SLC25A46: variants seen among roughly 807,000 people sequenced by gnomAD.
SLC25A46 encodes the protein mitochondrial outer membrane protein SLC25A46.
SLC25A46 carries 39 observed loss-of-function variants against 44.6 expected under a neutral mutation model. The observed-to-expected ratio is 0.87, with a 90% CI of 0.68 to 1.14. SLC25A46 has a LOEUF of 1.14. Ranked by LOEUF, SLC25A46 falls within the 50% of genes most tolerant of loss-of-function variation. The probability of loss-of-function intolerance (pLI) is 0.00; values close to 1 mark genes in which losing one functional copy is unlikely to be tolerated. For missense variants in SLC25A46, 547 were observed against 522.7 expected, an observed-to-expected ratio of 1.05 and a Z score of -0.45; for synonymous variants, 202 against 185.8, an observed-to-expected ratio of 1.09 and a Z score of -0.71.
At chr5:110,752,718 T>C (rs1431927889) in intron 5 of SLC25A46, among the ~76,000 whole-genome samples, 1 of 152,238 alleles carries the variant, frequency 6.6e-6, no homozygotes, top group African/African-American at 2.4e-5. Context: ...AGATTTTAAG[T>C]TGGACTTTAG....
rs542065024 is a variant in SLC25A46 at position 110,748,870 on chromosome 5, G to C, written c.563+607G>C. On this transcript the variant is annotated intron_variant, in intron 5 of 7. Coordinates refer to ENST00000355943, the MANE Select transcript of SLC25A46 (RefSeq NM_138773.4). ...AAGCTGAGGTGCTACATTAAAATACGATTGTGCCTTTTTAAGTTTATTCTC... is the reference window on the plus strand; with the variant it reads ...AAGCTGAGGTGCTACATTAAAATACCATTGTGCCTTTTTAAGTTTATTCTC... Among the ~76,000 whole-genome samples the C allele has an allele frequency of 1.8e-3, 268 of 152,238 alleles. 1 individual carries two copies. Among genetic ancestry groups the C allele is most frequent in the African/African-American group, 5.9e-3 (247 of 41,552 alleles).
At chr5:110,747,057 CT>C (rs1370542731) in intron 4 of SLC25A46, among the ~76,000 whole-genome samples, 1 of 152,074 alleles carries the variant, frequency 6.6e-6, no homozygotes, top group African/African-American at 2.4e-5. Flanking sequence ...TCTTGAAGAC[CT>C]TTGGATTGTT....
upstream of SLC25A46, chr5:110,738,915 C>A: frequency 7.3e-7 from 1 of 1,367,150 alleles, no homozygotes; most frequent in Non-Finnish European, 9.6e-7. Flanking sequence ...CGCCGCGTCT[C>A]CCTAGCAACC....
chr5:110,761,580 A>G lies in SLC25A46; in HGVS notation c.1055A>G (p.Asn352Ser), dbSNP rs1163994960. 18 of 1,613,682 alleles carry G rather than the reference A, an allele frequency of 1.1e-5. No individual in the cohort carries two copies. Among genetic ancestry groups the G allele is most frequent in the East Asian group, 2.2e-5 (1 of 44,864 alleles). Residue 352 changes from asparagine to serine, a missense_variant, in exon 8 of 8, where the codon AAT becomes AGT. By Grantham distance (46) the Asn-to-Ser change is conservative. Transcript: ENST00000355943. The surrounding 1 kb of genome is among the most constrained non-coding windows in gnomAD (Gnocchi z 5.3). ...HIQGTRTIIDNTDLGYEVLPI... is the reference protein window; with the variant it reads ...HIQGTRTIIDSTDLGYEVLPI... ...CAAGGAACACGCACAATAATTGACA[A>G]TACAGACCTTGGCTATGAAGTGCTT...
chr5:110,739,687 A>T (rs1017638782), intron 1 of SLC25A46, among the ~76,000 whole-genome samples: 2 of 152,218 alleles, frequency 1.3e-5, no homozygotes, highest in Non-Finnish European at 2.9e-5. Context: ...GTCTGAGTTA[A>T]AAAGGAGATT....
At position 110,763,525 on chromosome 5, in the gene SLC25A46, A is replaced by G. The variant is rs911241854; in HGVS notation, c.*1743A>G. On this transcript the variant is annotated 3_prime_UTR_variant, in exon 8 of 8. Coordinates refer to ENST00000355943, the MANE Select transcript of SLC25A46 (RefSeq NM_138773.4). Reference sequence around the variant, plus strand: ...GATTAAGGTTTACTTTGTCCAACCAATAGCATTTAAATTGTTTTCAATTAG... The same window carrying G: ...GATTAAGGTTTACTTTGTCCAACCAGTAGCATTTAAATTGTTTTCAATTAG... 3.3e-5 allele frequency: 5 copies of G among 151,876 alleles called. No homozygotes were observed. The highest frequency in any genetic ancestry group is 1.9e-4 in the East Asian group (1 of 5,180). 9.4% of individuals were successfully genotyped at this position (151,876 alleles called of 1,614,324 possible).
At chr5:110,760,988 C>G (rs1351135595) in intron 7 of SLC25A46, among the ~76,000 whole-genome samples, 1 of 152,016 alleles carries the variant, frequency 6.6e-6, no homozygotes, top group African/African-American at 2.4e-5. Context: ...TCTCCCTACC[C>G]CAATAAGATT....
In SLC25A46 at chr5:110,761,588, C is replaced by G. The variant is rs139534651; in HGVS notation, c.1063C>G (p.Leu355Val). 1.6e-5 allele frequency: 26 copies of G among 1,613,608 alleles called. No homozygotes were observed. The African/African-American group carries it at 2.9e-4, about 18-fold the overall frequency. ...ACGCACAATAATTGACAATACAGAC[C>G]TTGGCTATGAAGTGCTTCCAATTAA... is the stretch of plus-strand genomic sequence containing the variant. ...GTRTIIDNTD[L>V]GYEVLPINTQ... Residue 355 changes from leucine to valine, a missense_variant, in exon 8 of 8, where the codon CTT becomes GTT. Transcript: ENST00000355943. The surrounding 1 kb of genome is among the most constrained non-coding windows in gnomAD (Gnocchi z 5.3).
intron 5 of SLC25A46, chr5:110,754,000 T>C (rs1800038604): frequency 6.6e-6 from 1 of 151,286 alleles, no homozygotes; most frequent in Non-Finnish European, 1.5e-5. Flanking sequence ...TTTTATATTT[T>C]TCGACTTAAT....
chr5:110,739,466 G>A (rs1327041028), intron 1 of SLC25A46, 64 bp downstream of exon 1: 6 of 1,490,722 alleles, frequency 4.0e-6, no homozygotes, highest in African/African-American at 1.4e-5. Flanking sequence ...GCGGCCTGCA[G>A]ACCCCGGAAG....
At position 110,748,254 on chromosome 5, in the gene SLC25A46, C is replaced by T. The variant is rs1317861380; in HGVS notation, c.554C>T (p.Pro185Leu). The change falls in exon 5 of 8, where the codon CCT becomes CTT. Residue 185 changes from proline to leucine, a missense_variant. Coordinates refer to ENST00000355943, the MANE Select transcript of SLC25A46 (RefSeq NM_138773.4). ...GAAGGCATAATTAGTGAATTTACAC[C>T]TTTGCCAAGGTACCATTTTTAGCAT... is the stretch of plus-strand genomic sequence containing the variant. Reference protein sequence around the residue: ...GAEGIISEFTPLPREVLHKWS... With the variant: ...GAEGIISEFTLLPREVLHKWS... 7 of 1,612,846 alleles carry T rather than the reference C, an allele frequency of 4.3e-6. No homozygotes were observed. Among genetic ancestry groups the T allele is most frequent in the Non-Finnish European group, 5.9e-6 (7 of 1,179,038 alleles).
rs1799709261 is a variant in SLC25A46, at chr5:110,742,241, A to T, written c.326+152A>T. The T allele has an allele frequency of 7.4e-6, 4 of 536,994 alleles. No individual in the cohort carries two copies. In the East Asian group the frequency reaches 1.4e-4, roughly 18 times the overall value. The allele number at this position is 536,994 out of a possible 1,614,324, so 33.3% of individuals were successfully genotyped here. On this transcript the variant is annotated intron_variant, in intron 2 of 7. Coordinates refer to ENST00000355943, the MANE Select transcript of SLC25A46 (RefSeq NM_138773.4). ...TTGAATAATATTTTGCAGAAAAAAA[A>T]TGACCATTATTTAAAATATATAATT...
At position 110,751,058 on chromosome 5, in the gene SLC25A46, A is replaced by C. The variant is rs143597969; in HGVS notation, c.563+2795A>C. Among the ~76,000 whole-genome samples, 15 of 152,304 alleles carry C rather than the reference A, an allele frequency of 9.8e-5. No individual in the cohort carries two copies. The East Asian group carries it at 2.9e-3, about 29-fold the overall frequency. On this transcript the variant is annotated intron_variant, in intron 5 of 7. Coordinates refer to ENST00000355943, the MANE Select transcript of SLC25A46 (RefSeq NM_138773.4). ...ATCTTTCCAAAGAAGACAAAATAGT[A>C]ACCTCTATTGCATTGTTCTACTTGG...
rs139039234 is a variant in SLC25A46, at chr5:110,761,217, G to A, written c.692G>A (p.Arg231Gln). 2.2e-5 allele frequency: 35 copies of A among 1,592,490 alleles called. No homozygotes were observed. Among genetic ancestry groups the A allele is most frequent in the South Asian group, 1.0e-4 (9 of 87,184 alleles). ...TTTTTATTTCAGAGTGAGATAATTC[G>A]AGATAATACTGGCATTTTGGAGTGT... Reference protein sequence around the residue: ...LIETVQSEIIRDNTGILECVK... With the variant: ...LIETVQSEIIQDNTGILECVK... The change falls in exon 8 of 8, where the codon CGA becomes CAA. Residue 231 changes from arginine (R) to glutamine (Q), a missense_variant. Coordinates refer to ENST00000355943, the MANE Select transcript of SLC25A46 (RefSeq NM_138773.4). This position sits in a 1 kb window ranked among gnomAD's most constrained non-coding sequence, Gnocchi z 5.3.
intron 4 of SLC25A46, among the ~76,000 whole-genome samples, chr5:110,747,631 T>A (rs989109527): frequency 6.6e-6 from 1 of 152,098 alleles, no homozygotes; most frequent in African/African-American, 2.4e-5. Flanking sequence ...CAAATTGATA[T>A]AAAGTAATAG....
chr5:110,744,508 C>T (rs146848076), intron 3 of SLC25A46, among the ~76,000 whole-genome samples: 3 of 152,228 alleles, frequency 2.0e-5, no homozygotes, highest in Admixed American at 6.5e-5. Flanking sequence ...CATAGATCTT[C>T]CTGTTGTTAA....
chr5:110,757,264 T>A (rs1800140447), intron 7 of SLC25A46, among the ~76,000 whole-genome samples: 1 of 152,120 alleles, frequency 6.6e-6, no homozygotes, highest in Admixed American at 6.6e-5. Context: ...GCTGAAGCAA[T>A]TTTCTGCTAG....
chr5:110,741,990 G>A (rs766093408), intron 1 of SLC25A46, 57 bp from the exon 2 acceptor site: 2 of 1,180,132 alleles, frequency 1.7e-6, no homozygotes, highest in Non-Finnish European at 1.2e-6. Context: ...AACCTAAATT[G>A]TCAGTAATTG....
chr5:110,738,978 C>T (rs543936823), upstream of SLC25A46: 15 of 1,455,228 alleles, frequency 1.0e-5, 1 homozygote, highest in East Asian at 3.2e-4. Context: ...CCGAAGACTT[C>T]CGGGTTTCCA....
Sources: allele counts gnomAD v4.1 joint callset (sites outside exome capture counted in the v4.1 genomes callset), GRCh38; gene constraint gnomAD v4.1.1; non-coding constraint Gnocchi (gnomAD v3.1); transcripts MANE v1.5; gene names NCBI Gene and HGNC (gene_info 2026-07-23, HGNC 2026-07-21).